SLC22A11: variants seen among roughly 807,000 people sequenced by gnomAD.
SLC22A11 encodes organic anion transporter 4.
Under a neutral mutation model 49.4 loss-of-function variants are expected in SLC22A11, and 42 were observed. The observed-to-expected ratio is 0.85, with a 90% CI of 0.66 to 1.10. The LOEUF is 1.10. SLC22A11 is among the 50% of genes least tolerant of loss of function. The probability of loss-of-function intolerance (pLI) is 0.00; values close to 1 mark genes in which losing one functional copy is unlikely to be tolerated. For missense variants in SLC22A11, 685 were observed against 731.6 expected (o/e 0.94, Z 0.74); for synonymous variants, 304 against 315.8 (o/e 0.96, Z 0.40).
intron 2 of SLC22A11, 61 bp from the exon 3 acceptor site, chr11:64,561,943 C>T: frequency 2.6e-6 from 4 of 1,544,346 alleles, no homozygotes; most frequent in Non-Finnish European, 3.5e-6. Flanking sequence ...AAGTACCTGC[C>T]CACATATCCA....
rs768174868 is a variant in SLC22A11, at chr11:64,559,123, C to G, written c.394-12C>G. The stretch of plus-strand genomic sequence containing the variant: ...ACCCCCCGAGCTGAGCCACTGCACC[C>G]TCCTCTTGCAGTGGGACCTGGTGTG... On this transcript the variant is annotated splice_polypyrimidine_tract_variant and intron_variant, in intron 1 of 9. Transcript: ENST00000301891. 1 of 1,609,686 alleles carries G rather than the reference C, an allele frequency of 6.2e-7. No homozygotes were observed. Among genetic ancestry groups the G allele is most frequent in the Admixed American group, 1.7e-5 (1 of 60,004 alleles).
At position 64,571,145 on chromosome 11, in the gene SLC22A11, G is replaced by C. The variant is rs1324754151; in HGVS notation, c.*103G>C. ...GCGAGTTGGGCGACTTCAAGGGCCT[G>C]GCATGGCAGAGGCCAGGCAGCCGTG... On this transcript the variant is annotated 3_prime_UTR_variant, in exon 10 of 10. Coordinates refer to ENST00000301891, the MANE Select transcript of SLC22A11 (RefSeq NM_018484.4). The C allele has an allele frequency of 7.6e-7, 1 of 1,322,242 alleles. No homozygotes were observed. Among genetic ancestry groups the C allele is most frequent in the African/African-American group, 1.5e-5 (1 of 68,812 alleles). The allele number at this position is 1,322,242 out of a possible 1,614,324, so 81.9% of individuals were successfully genotyped here.
intron 1 of SLC22A11, among the ~76,000 whole-genome samples, 165 bp downstream of exon 1, chr11:64,556,557 C>A (rs2038464227): frequency 6.6e-6 from 1 of 152,246 alleles, no homozygotes; most frequent in Admixed American, 6.5e-5. Context: ...AGGGATCAGT[C>A]TACAGATGGG....
rs895245429 is a variant in SLC22A11, at chr11:64,556,403, C to A, written c.393+11C>A. On this transcript the variant is annotated intron_variant, in intron 1 of 9. Transcript: ENST00000301891. ...ACCATCGTGGCCAAGGTAGGGCCTCCCCCAGAGCCACTCGAGTCCCGTCAC... is the reference window on the plus strand; with the variant it reads ...ACCATCGTGGCCAAGGTAGGGCCTCACCCAGAGCCACTCGAGTCCCGTCAC... 1.2e-5 allele frequency: 19 copies of A among 1,608,626 alleles called. No individual in the cohort carries two copies. The highest frequency in any genetic ancestry group is 2.7e-5 in the African/African-American group (2 of 74,936).
chr11:64,565,206 C>A lies in SLC22A11; in HGVS notation c.943-16C>A. 1.3e-6 allele frequency: 2 copies of A among 1,514,208 alleles called. No homozygotes were observed. Among genetic ancestry groups the A allele is most frequent in the Non-Finnish European group, 1.8e-6 (2 of 1,123,352 alleles). The allele number at this position is 1,514,208 out of a possible 1,614,324, so 93.8% of individuals were successfully genotyped here. A position where few individuals can be genotyped will look rare whatever the true frequency, so the allele number is the denominator to read the frequency against. ...CATTGCCCTACCATTCACGGTGCCC[C>A]CATTCTCCCCGGAAGGTGCTGATGT... On this transcript the variant is annotated splice_polypyrimidine_tract_variant and intron_variant, in intron 5 of 9. Transcript: ENST00000301891. This position sits in a 1 kb window ranked among gnomAD's most constrained non-coding sequence, Gnocchi z 4.1.
At position 64,562,394 on chromosome 11, in the gene SLC22A11, G is replaced by C. The variant is rs1296383201; in HGVS notation, c.780G>C (p.Leu260=). Residue 260 remains leucine, a synonymous_variant, in exon 4 of 10, where the codon CTG becomes CTC. Transcript: ENST00000301891. The surrounding 1 kb of genome is among the most constrained non-coding windows in gnomAD (Gnocchi z 4.4). ...TGCGGGACTGGAGGACTCTCCAGCT[G>C]GCAGCATCAGTGCCCTTCTTTGCCA... ...FALRDWRTLQ[L]AASVPFFAIS... The C allele has an allele frequency of 6.2e-7, 1 of 1,604,130 alleles. No homozygotes were observed.
intron 1 of SLC22A11, among the ~76,000 whole-genome samples, chr11:64,558,222 A>C (rs573752832): frequency 6.6e-6 from 1 of 152,360 alleles, no homozygotes; most frequent in East Asian, 1.9e-4. Flanking sequence ...GGCATGAGCC[A>C]CTGTGCCCGG....
intron 2 of SLC22A11, among the ~76,000 whole-genome samples, chr11:64,560,987 G>A (rs746048228): frequency 6.6e-6 from 1 of 152,162 alleles, no homozygotes; most frequent in Admixed American, 6.5e-5. Flanking sequence ...GTGGGGTCTC[G>A]CACCTGCCCA....
Position 64,565,110 on chromosome 11 carries a change from G to C in SLC22A11, c.943-112G>C, listed in dbSNP as rs139208324. 5.0e-6 allele frequency: 4 copies of C among 807,844 alleles called. No individual in the cohort carries two copies. Among genetic ancestry groups the C allele is most frequent in the African/African-American group, 1.7e-5 (1 of 57,664 alleles). 50.0% of individuals were successfully genotyped at this position (807,844 alleles called of 1,614,324 possible). ...TAGGGATCCAGCTTCCAGAGGCCGA[G>C]GCCCAGGACAGGCTCCCCGTCACTC... On this transcript the variant is annotated intron_variant, in intron 5 of 9. Coordinates refer to ENST00000301891, the MANE Select transcript of SLC22A11 (RefSeq NM_018484.4). This position sits in a 1 kb window ranked among gnomAD's most constrained non-coding sequence, Gnocchi z 4.1.
intron 2 of SLC22A11, among the ~76,000 whole-genome samples, chr11:64,560,367 G>A (rs937355899): frequency 1.3e-5 from 2 of 152,028 alleles, no homozygotes; most frequent in Non-Finnish European, 2.9e-5. Flanking sequence ...AATAAAAGCT[G>A]GCCCAAAGTC....
At chr11:64,558,305 T>C (rs1485877702) in intron 1 of SLC22A11, among the ~76,000 whole-genome samples, 1 of 152,184 alleles carries the variant, frequency 6.6e-6, no homozygotes, top group Non-Finnish European at 1.5e-5. Context: ...GGAAGTGATT[T>C]GGTCTGACTT....
chr11:64,565,222 G>T lies in SLC22A11; in HGVS notation c.943G>T (p.Val315Leu), dbSNP rs1280715788. The change falls in exon 6 of 10, where the codon GTG (valine) becomes TTG (leucine). Residue 315 changes from valine (V) to leucine (L), a missense_variant and splice_region_variant. Val to Leu is a conservative substitution (Grantham distance 32, BLOSUM62 1). Coordinates refer to ENST00000301891, the MANE Select transcript of SLC22A11 (RefSeq NM_018484.4). This position sits in a 1 kb window ranked among gnomAD's most constrained non-coding sequence, Gnocchi z 4.1. Reference protein sequence around the residue: ...HKEAKNLTIEVLMSSVKEEVA... With the variant: ...HKEAKNLTIELLMSSVKEEVA... ...ACGGTGCCCCCATTCTCCCCGGAAG[G>T]TGCTGATGTCCAGCGTGAAGGAGGA... 1 of 1,535,956 alleles carries T rather than the reference G, an allele frequency of 6.5e-7. No individual in the cohort carries two copies. The highest frequency in any genetic ancestry group is 1.2e-5 in the South Asian group (1 of 82,284).
At position 64,567,808 on chromosome 11, in the gene SLC22A11, C is replaced by T. The variant is rs2038649210; in HGVS notation, c.1268C>T (p.Pro423Leu). Residue 423 changes from proline to leucine, a missense_variant, in exon 7 of 10, where the codon CCG (proline) becomes CTG (leucine). Transcript: ENST00000301891. ...GCCATTCTAGCCAACATGCTGGTGC[C>T]GCAAGGTGAGGCAGGCGGACTGGGC... Reference protein sequence around the residue: ...GLAILANMLVPQDLQTLRVVF... With the variant: ...GLAILANMLVLQDLQTLRVVF... 2 of 1,591,962 alleles carry T rather than the reference C, an allele frequency of 1.3e-6. No individual in the cohort carries two copies. The highest frequency in any genetic ancestry group is 1.1e-5 in the South Asian group (1 of 89,252).
chr11:64,570,999 G>A lies in SLC22A11; in HGVS notation c.1610G>A (p.Gly537Asp). The A allele has an allele frequency of 6.2e-7, 1 of 1,614,218 alleles. No homozygotes were observed. Among genetic ancestry groups the A allele is most frequent in the African/African-American group, 1.3e-5 (1 of 75,072 alleles). ...LESQKSTAAQ[G>D]NRQEAVTVES... is the part of the protein sequence containing the mutation. ...TCTAGGAAATCAACAGCAGCCCAGG[G>A]CAACCGGCAAGAGGCCGTCACTGTG... is the stretch of plus-strand genomic sequence containing the variant. The change falls in exon 10 of 10, where the codon GGC (glycine) becomes GAC (aspartate). Residue 537 changes from glycine (G) to aspartate (D), a missense_variant. Physicochemically the swap from Gly to Asp is moderately conservative, Grantham distance 94. Transcript: ENST00000301891.
At position 64,565,771 on chromosome 11, in the gene SLC22A11, C is replaced by A. The variant is rs2038616989; in HGVS notation, c.1058+434C>A. ...GCATTCGCTGACCCCTCCATGCAAC[C>A]CCACTTCACTGATGGGGAAAGAGGA... On this transcript the variant is annotated intron_variant, in intron 6 of 9. Coordinates refer to ENST00000301891, the MANE Select transcript of SLC22A11 (RefSeq NM_018484.4). The surrounding 1 kb of genome is among the most constrained non-coding windows in gnomAD (Gnocchi z 4.1). 1 of 347,230 alleles carries A rather than the reference C, an allele frequency of 2.9e-6. No individual in the cohort carries two copies. Among genetic ancestry groups the A allele is most frequent in the Non-Finnish European group, 5.8e-6 (1 of 173,896 alleles). The allele number at this position is 347,230 out of a possible 1,614,324, so 21.5% of individuals were successfully genotyped here.
chr11:64,562,169 G>T lies in SLC22A11; in HGVS notation c.652+11G>T. The T allele has an allele frequency of 6.2e-7, 1 of 1,611,772 alleles. No individual in the cohort carries two copies. Among genetic ancestry groups the T allele is most frequent in the Non-Finnish European group, 8.5e-7 (1 of 1,178,748 alleles). On this transcript the variant is annotated intron_variant, in intron 3 of 9. Coordinates refer to ENST00000301891, the MANE Select transcript of SLC22A11 (RefSeq NM_018484.4). This position sits in a 1 kb window ranked among gnomAD's most constrained non-coding sequence, Gnocchi z 4.4. ...GTTCACTGACACTGAGTGAGTCCCC[G>T]GCTCAGCGCGCTCCTGCCATGGGGG...
rs984284585 is a variant in SLC22A11 at position 64,571,555 on chromosome 11, C to G, written c.*513C>G. 1.3e-5 allele frequency: 2 copies of G among 154,632 alleles called. No homozygotes were observed. The highest frequency in any genetic ancestry group is 4.8e-5 in the African/African-American group (2 of 41,488). 9.6% of individuals were successfully genotyped at this position (154,632 alleles called of 1,614,324 possible). On this transcript the variant is annotated 3_prime_UTR_variant, in exon 10 of 10. Coordinates refer to ENST00000301891, the MANE Select transcript of SLC22A11 (RefSeq NM_018484.4). ...CAGGTGTCCAGGTTGTGCACTGGCCCGAGGCACGCAGCCAAGGAGGCGTGT... is the reference window on the plus strand; with the variant it reads ...CAGGTGTCCAGGTTGTGCACTGGCCGGAGGCACGCAGCCAAGGAGGCGTGT...
chr11:64,559,110 G>A, intron 1 of SLC22A11, 25 bp from the exon 2 acceptor site: 8 of 1,604,358 alleles, frequency 5.0e-6, no homozygotes, highest in South Asian at 1.1e-5. Context: ...CCCCCGAGCT[G>A]AGCCACTGCA....
Position 64,562,318 on chromosome 11 carries a change from G to A in SLC22A11, c.704G>A (p.Gly235Glu). ...SRRAVTMTVV[G>E]CAFSAGQAAL... ...AGGGCGGTCACCATGACGGTGGTGG[G>A]ATGTGCCTTCAGCGCAGGCCAGGCG... Residue 235 changes from glycine to glutamate, a missense_variant, in exon 4 of 10, where the codon GGA becomes GAA. Coordinates refer to ENST00000301891, the MANE Select transcript of SLC22A11 (RefSeq NM_018484.4). This position sits in a 1 kb window ranked among gnomAD's most constrained non-coding sequence, Gnocchi z 4.4. 6.2e-7 allele frequency: 1 copy of A among 1,611,414 alleles called. No homozygotes were observed. Among genetic ancestry groups the A allele is most frequent in the Non-Finnish European group, 8.5e-7 (1 of 1,178,776 alleles).
Sources: gnomAD v4.1 joint callset for allele counts (sites outside exome capture counted in the v4.1 genomes callset) on GRCh38, gnomAD v4.1.1 for gene constraint, Gnocchi (gnomAD v3.1) non-coding constraint, MANE v1.5 for transcripts, NCBI Gene and HGNC (gene_info 2026-07-23, HGNC 2026-07-21) for gene names.